TLCD4: variants seen among roughly 807,000 people sequenced by gnomAD.
TLCD4 encodes the protein TLC domain-containing protein 4.
Under a neutral mutation model 24.2 loss-of-function variants are expected in TLCD4, and 7 were observed. That is an observed-to-expected ratio of 0.29 (90% CI 0.16 to 0.54). The LOEUF (loss-of-function observed/expected upper bound fraction) is 0.54, where lower values mean the gene tolerates loss of function less well. Among genes scored for constraint, TLCD4 ranks in the 20% least tolerant of loss-of-function variants. The pLI, the probability that TLCD4 is intolerant of heterozygous loss-of-function variation, is 0.95. For missense variants in TLCD4, 259 were observed against 313.9 expected, an observed-to-expected ratio of 0.82 and a Z score of 1.32; for synonymous variants, 103 against 106.4, an observed-to-expected ratio of 0.97 and a Z score of 0.20.
chr1:95,092,645 A>G, the TLCD4 span, among the ~76,000 whole-genome samples: 1 of 152,238 alleles, frequency 6.6e-6, no homozygotes, highest in East Asian at 1.9e-4. Context: ...CAGCAAGACC[A>G]CGAACCTACC....
At chr1:95,167,475 G>A (rs1181741966) in intron 5 of TLCD4, among the ~76,000 whole-genome samples, 1 of 152,172 alleles carries the variant, frequency 6.6e-6, no homozygotes, top group Non-Finnish European at 1.5e-5. Context: ...AGCTGAGGCA[G>A]GGCTTGCATG....
intron 5 of TLCD4, chr1:95,163,255 A>G (rs909990593): frequency 6.6e-6 from 1 of 152,060 alleles, no homozygotes; most frequent in African/African-American, 2.4e-5. Flanking sequence ...CATTTGATCT[A>G]CAATCACTGA....
At chr1:95,098,459 G>A in the TLCD4 span, among the ~76,000 whole-genome samples, 2 of 152,132 alleles carry the variant, frequency 1.3e-5, no homozygotes, top group African/African-American at 4.8e-5. Context: ...CGCATATTGA[G>A]TTCCAAACAT....
At chr1:95,101,503 C>A in the TLCD4 span, among the ~76,000 whole-genome samples, 1 of 106,722 alleles carries the variant, frequency 9.4e-6, no homozygotes, top group African/African-American at 2.7e-5. Context: ...AAACTCCTGA[C>A]CTTAAGAGAT....
chr1:95,144,607 T>A (rs200993291), intron 2 of TLCD4, among the ~76,000 whole-genome samples: 13 of 151,462 alleles, frequency 8.6e-5, no homozygotes, highest in East Asian at 3.9e-4. Flanking sequence ...TTTTTTTTTT[T>A]AAACAGAAAA....
intron 1 of TLCD4, among the ~76,000 whole-genome samples, chr1:95,122,308 G>A (rs1364043808): frequency 2.0e-5 from 3 of 152,198 alleles, no homozygotes; most frequent in South Asian, 2.1e-4. Flanking sequence ...GTAGTGAGCC[G>A]AGATTGTGTC....
intron 6 of TLCD4, among the ~76,000 whole-genome samples, chr1:95,190,129 G>A (rs978321980): frequency 2.0e-5 from 3 of 146,770 alleles, no homozygotes; most frequent in Non-Finnish European, 3.0e-5. Flanking sequence ...TTGAGACAGA[G>A]TCTCACTCTT....
At chr1:95,150,349 G>A (rs1677460930) in intron 4 of TLCD4, 83 bp downstream of exon 4, 1 of 1,525,588 alleles carries the variant, frequency 6.6e-7, no homozygotes, top group Admixed American at 2.2e-5. Flanking sequence ...TATGCTTTTG[G>A]TTTATTTGAG....
In TLCD4 at chr1:95,123,732, T is replaced by C. The variant is rs1367522143; in HGVS notation, c.-12+6115T>C. On this transcript the variant is annotated intron_variant, in intron 1 of 6. Coordinates refer to ENST00000370203, the MANE Select transcript of TLCD4 (RefSeq NM_152487.3). ...AATTTATTATTTTGCAGCTTGCTTCTTTTATCACCTTTTTCATTTAAATGT... is the reference window on the plus strand; with the variant it reads ...AATTTATTATTTTGCAGCTTGCTTCCTTTATCACCTTTTTCATTTAAATGT... 1.3e-5 allele frequency among the ~76,000 whole-genome samples: 2 copies of C among 152,188 alleles called. 1 individual carries two copies. The highest frequency in any genetic ancestry group is 4.8e-5 in the African/African-American group (2 of 41,406).
intron 5 of TLCD4, among the ~76,000 whole-genome samples, chr1:95,155,641 T>C (rs145639473): frequency 3.1e-3 from 466 of 152,158 alleles, no homozygotes; most frequent in Admixed American, 6.0e-3. Context: ...CTATCTGTCA[T>C]TGGATTAAAT....
intron 1 of TLCD4, among the ~76,000 whole-genome samples, chr1:95,124,374 A>C (rs142250748): frequency 6.6e-6 from 1 of 152,336 alleles, no homozygotes; most frequent in African/African-American, 2.4e-5. Context: ...TCAGAGAAGC[A>C]CACCTATTCC....
intron 1 of TLCD4, among the ~76,000 whole-genome samples, chr1:95,121,670 C>T (rs1211510052): frequency 6.6e-6 from 1 of 152,162 alleles, no homozygotes; most frequent in East Asian, 1.9e-4. Context: ...GGGGTTTCAC[C>T]GTGTTGGCCA....
At chr1:95,167,481 G>C (rs1025137906) in intron 5 of TLCD4, among the ~76,000 whole-genome samples, 7 of 152,166 alleles carry the variant, frequency 4.6e-5, no homozygotes, top group Non-Finnish European at 1.5e-5. Context: ...GGCAGGGCTT[G>C]CATGTCTGAC....
chr1:95,151,577 C>T (rs1218103077), intron 5 of TLCD4, among the ~76,000 whole-genome samples, 158 bp downstream of exon 5: 1 of 152,068 alleles, frequency 6.6e-6, no homozygotes, highest in African/African-American at 2.4e-5. Flanking sequence ...TCTGTATTAA[C>T]TAAAATAATA....
At chr1:95,143,236 TC>T (rs1205654473) in intron 1 of TLCD4, among the ~76,000 whole-genome samples, 1 of 152,128 alleles carries the variant, frequency 6.6e-6, no homozygotes, top group African/African-American at 2.4e-5. Flanking sequence ...GTTGGGCTTT[TC>T]TGTTTGATTT....
At chr1:95,176,903 C>A (rs1011172509) in intron 6 of TLCD4, among the ~76,000 whole-genome samples, 1 of 152,078 alleles carries the variant, frequency 6.6e-6, no homozygotes, top group Non-Finnish European at 1.5e-5. Context: ...CTATCTTTTC[C>A]CCATTGTGTA....
At chr1:95,145,734 C>T (rs909248860) in intron 2 of TLCD4, among the ~76,000 whole-genome samples, 1 of 151,908 alleles carries the variant, frequency 6.6e-6, no homozygotes, top group Non-Finnish European at 1.5e-5. Context: ...AGCTGCAAGT[C>T]AGAGAAATAG....
At chr1:95,134,789 G>T (rs1400621608) in intron 1 of TLCD4, among the ~76,000 whole-genome samples, 1 of 152,192 alleles carries the variant, frequency 6.6e-6, no homozygotes, top group African/African-American at 2.4e-5. Flanking sequence ...CAGGCCCAGA[G>T]ATTGTATGTC....
intron 6 of TLCD4, among the ~76,000 whole-genome samples, chr1:95,174,921 GC>G (rs1678370690): frequency 6.6e-6 from 1 of 151,980 alleles, no homozygotes; most frequent in South Asian, 2.1e-4. Flanking sequence ...GATTACAGGT[GC>G]CCACCACCAT....
Sources: gnomAD v4.1 joint callset for allele counts (sites outside exome capture counted in the v4.1 genomes callset) on GRCh38, gnomAD v4.1.1 for gene constraint, MANE v1.5 for transcripts, NCBI Gene and HGNC (gene_info 2026-07-23, HGNC 2026-07-21) for gene names.